The following BICRAL variants were observed in gnomAD, a reference collection of about 807,000 sequenced individuals.
BICRAL encodes BICRA like chromatin remodeling complex associated protein.
A neutral mutation model predicts 91.8 loss-of-function variants in BICRAL; 8 were observed. The observed-to-expected ratio is 0.09, with a 90% CI of 0.05 to 0.16. The LOEUF (loss-of-function observed/expected upper bound fraction) is 0.16. Among genes scored for constraint, BICRAL ranks in the 10% least tolerant of loss-of-function variants. BICRAL has a pLI of 1.00. For missense variants in BICRAL, 1,038 were observed against 1,310.9 expected (o/e 0.79, Z 3.21); for synonymous variants, 445 against 491.1 (o/e 0.91, Z 1.24).
intron 1 of BICRAL, among the ~76,000 whole-genome samples, chr6:42,774,662 C>T (rs1479633344): frequency 6.6e-6 from 1 of 152,040 alleles, no homozygotes; most frequent in African/African-American, 2.4e-5. Context: ...GTCACTTTTA[C>T]AGTATTAGGG....
chr6:42,779,223 A>C (rs111981641), upstream of BICRAL, among the ~76,000 whole-genome samples: 48 of 132,524 alleles, frequency 3.6e-4, no homozygotes, highest in Non-Finnish European at 6.2e-4. Flanking sequence ...TCTCAAGAAA[A>C]ACACACACAC....
In BICRAL at chr6:42,832,214, G is replaced by GAC. The variant is rs571195885; in HGVS notation, c.1839+2047_1839+2048dup. 2.9e-3 allele frequency among the ~76,000 whole-genome samples: 437 copies of GAC among 151,390 alleles called. 2 individuals are homozygous for GAC. The highest frequency in any genetic ancestry group is 0.01 in the African/African-American group (417 of 41,382). On this transcript the variant is annotated intron_variant, in intron 6 of 12. Transcript: ENST00000314073. The stretch of plus-strand genomic sequence containing the variant: ...AATACAAAAATTAGCTGGGTGTGGT[G>GAC]ACACACGCCTGTAGTCCCAGCTACT...
rs776665482 is a variant in BICRAL, at chr6:42,865,130, A to G, written c.2924A>G (p.Lys975Arg). The change falls in exon 13 of 13, where the codon AAA becomes AGA. Residue 975 changes from lysine to arginine, a missense_variant. Physicochemically the swap from Lys to Arg is conservative, Grantham distance 26. This residue lies in a region of BICRAL where 92 missense variants were observed against 147.8 expected (regional missense o/e 0.62). Coordinates refer to ENST00000314073, the MANE Select transcript of BICRAL (RefSeq NM_001393499.1). Reference sequence around the variant, plus strand: ...ACGTGTAACAATTCCTTCCAGGACAAAAGTCTGAGGAATTCTCCAAAGAAT... The same window carrying G: ...ACGTGTAACAATTCCTTCCAGGACAGAAGTCTGAGGAATTCTCCAAAGAAT... ...EMTCNNSFQDKSLRNSPKNEV... is the reference protein window; with the variant it reads ...EMTCNNSFQDRSLRNSPKNEV... 8.7e-6 allele frequency: 14 copies of G among 1,614,046 alleles called. No individual in the cohort carries two copies. In the Admixed American group the frequency reaches 1.3e-4, roughly 15 times the overall value.
chr6:42,812,996 C>G (rs1339734159), intron 2 of BICRAL, among the ~76,000 whole-genome samples: 1 of 152,142 alleles, frequency 6.6e-6, no homozygotes, highest in Admixed American at 6.5e-5. Flanking sequence ...GATCCTGCCA[C>G]TGCACTGCTG....
At chr6:42,854,874 A>G (rs1441013484) in intron 8 of BICRAL, among the ~76,000 whole-genome samples, 1 of 152,030 alleles carries the variant, frequency 6.6e-6, no homozygotes, top group African/African-American at 2.4e-5. Flanking sequence ...ACATATTTTC[A>G]GGGCACATTT....
chr6:42,782,353 T>TG (rs1562457968), intron 1 of BICRAL, among the ~76,000 whole-genome samples: 15 of 33,548 alleles, frequency 4.5e-4, no homozygotes, highest in Admixed American at 8.5e-4. Context: ...TGGGGGGGGG[T>TG]GGGTTTGTGG....
At chr6:42,854,694 A>G (rs1176912038) in intron 8 of BICRAL, among the ~76,000 whole-genome samples, 1 of 150,142 alleles carries the variant, frequency 6.7e-6, no homozygotes, top group Non-Finnish European at 1.5e-5. Flanking sequence ...ATATTTTTAT[A>G]TTTTTTTTAA....
chr6:42,811,985 T>G (rs564058467), intron 2 of BICRAL, among the ~76,000 whole-genome samples: 1 of 152,300 alleles, frequency 6.6e-6, no homozygotes, highest in East Asian at 1.9e-4. Flanking sequence ...AGAAACTTTG[T>G]AAAGTAACTT....
At chr6:42,780,864 G>A (rs1223228063), upstream of BICRAL, among the ~76,000 whole-genome samples, 10 of 152,010 alleles carry the variant, frequency 6.6e-5, no homozygotes, top group African/African-American at 2.4e-4. Flanking sequence ...AGCCTCCCGA[G>A]TAGCTGGGAT....
At chr6:42,788,704 G>A (rs4236083) in intron 1 of BICRAL, among the ~76,000 whole-genome samples, 72,115 of 152,050 alleles carry the variant, frequency 0.47, 18,733 homozygotes, top group African/African-American at 0.69. Flanking sequence ...AGGCAAGGCC[G>A]GTGACTTAAA....
At chr6:42,785,754 T>C (rs962816575) in intron 1 of BICRAL, among the ~76,000 whole-genome samples, 3 of 152,078 alleles carry the variant, frequency 2.0e-5, no homozygotes, top group African/African-American at 7.2e-5. Flanking sequence ...TAGCAGAATA[T>C]GGATAAAAAC....
chr6:42,776,301 T>A (rs867082636), intron 1 of BICRAL, among the ~76,000 whole-genome samples: 2 of 152,036 alleles, frequency 1.3e-5, no homozygotes, highest in South Asian at 2.1e-4. Flanking sequence ...CCTCCCAAAG[T>A]GCTGGGATTA....
At chr6:42,821,508 C>G (rs1764136033) in intron 2 of BICRAL, among the ~76,000 whole-genome samples, 1 of 152,180 alleles carries the variant, frequency 6.6e-6, no homozygotes, top group Non-Finnish European at 1.5e-5. Context: ...AGGGTGCCCC[C>G]TCTTCTCTCT....
intron 2 of BICRAL, among the ~76,000 whole-genome samples, chr6:42,821,750 G>A (rs187851852): frequency 6.6e-6 from 1 of 152,220 alleles, no homozygotes; most frequent in East Asian, 1.9e-4. Context: ...ATGTGAGGGA[G>A]GTTGCTGCCA....
intron 1 of BICRAL, among the ~76,000 whole-genome samples, chr6:42,752,088 C>G (rs185127459): frequency 3.6e-4 from 54 of 152,006 alleles, no homozygotes; most frequent in Middle Eastern, 3.4e-3. Context: ...AAATGTTAGG[C>G]AAATCTTCCT....
At chr6:42,799,155 C>T (rs531192244) in intron 1 of BICRAL, among the ~76,000 whole-genome samples, 1 of 152,252 alleles carries the variant, frequency 6.6e-6, no homozygotes, top group East Asian at 1.9e-4. Flanking sequence ...GAACCTCCTG[C>T]CTTGGCCTCT....
chr6:42,770,412 A>T (rs56278020), intron 1 of BICRAL, among the ~76,000 whole-genome samples: 3,065 of 126,088 alleles, frequency 0.024, 59 homozygotes, highest in South Asian at 0.041. Context: ...TATTATTATT[A>T]TTTTTTTTTT....
chr6:42,837,624 C>T (rs34718938), intron 6 of BICRAL, among the ~76,000 whole-genome samples: 31,245 of 151,436 alleles, frequency 0.21, 3,788 homozygotes, highest in South Asian at 0.33. Flanking sequence ...TGGTGGCAGG[C>T]GCCTGTAGTC....
chr6:42,826,613 T>A (rs1274043521), intron 5 of BICRAL, among the ~76,000 whole-genome samples: 1 of 152,088 alleles, frequency 6.6e-6, no homozygotes. Context: ...GGAGACTATA[T>A]CGAGATTACT....
Sources: allele counts gnomAD v4.1 joint callset (sites outside exome capture counted in the v4.1 genomes callset), GRCh38; gene constraint gnomAD v4.1.1; regional missense constraint gnomAD v4.1.1; transcripts MANE v1.5; gene names NCBI Gene and HGNC (gene_info 2026-07-23, HGNC 2026-07-21).